Variants in CCDC7 observed in about 807,000 individuals in gnomAD.
CCDC7 encodes the protein coiled-coil domain-containing protein 7.
In CCDC7, 183 loss-of-function variants were observed where a neutral mutation model predicts 196.9. The observed-to-expected ratio is 0.93, with a 90% CI of 0.82 to 1.05. CCDC7 has a LOEUF of 1.05. Ranked by LOEUF, CCDC7 falls within the 50% of genes least tolerant of loss-of-function variation. CCDC7 has a pLI of 0.00. For missense variants in CCDC7, 1,540 were observed against 1,482.2 expected, an observed-to-expected ratio of 1.04 and a Z score of -0.64; for synonymous variants, 525 against 484.6, an observed-to-expected ratio of 1.08 and a Z score of -1.10.
intron 28 of CCDC7, among the ~76,000 whole-genome samples, chr10:32,758,400 C>T (rs992098482): frequency 9.2e-5 from 14 of 152,150 alleles, no homozygotes; most frequent in African/African-American, 2.2e-4. Context: ...ACTTATCCAC[C>T]ATGATCAAGT....
At chr10:32,725,459 C>T (rs182512260) in intron 25 of CCDC7, 13 of 463,236 alleles carry the variant, frequency 2.8e-5, no homozygotes, top group African/African-American at 2.4e-4. Flanking sequence ...GGTTAGTTTC[C>T]TTTCAGTTTT....
intron 9 of CCDC7, among the ~76,000 whole-genome samples, chr10:32,506,403 C>G (rs934211719): frequency 6.6e-6 from 1 of 152,162 alleles, no homozygotes; most frequent in African/African-American, 2.4e-5. Flanking sequence ...CCTCACATCC[C>G]AGACGATGGG....
At chr10:32,451,031 A>G (rs181799417), upstream of CCDC7, among the ~76,000 whole-genome samples, 1 of 152,268 alleles carries the variant, frequency 6.6e-6, no homozygotes, top group Admixed American at 6.5e-5. Flanking sequence ...CTTCATAGCA[A>G]TTGATAATCC....
At position 32,575,827 on chromosome 10, in the gene CCDC7, C is replaced by A. The variant is rs562945843; in HGVS notation, c.1454+3934C>A. ...GACTCATTATTATAGATCTCTCCATCAGCCCTGGCTGACACCTGGTTCTGA... is the reference window on the plus strand; with the variant it reads ...GACTCATTATTATAGATCTCTCCATAAGCCCTGGCTGACACCTGGTTCTGA... On this transcript the variant is annotated intron_variant, in intron 16 of 41. Coordinates refer to ENST00000639629, the Ensembl canonical transcript of CCDC7. 2.6e-5 allele frequency among the ~76,000 whole-genome samples: 4 copies of A among 152,272 alleles called. No homozygotes were observed. In the South Asian group the frequency reaches 8.3e-4, roughly 32 times the overall value.
intron 29 of CCDC7, among the ~76,000 whole-genome samples, chr10:32,794,956 C>G (rs972376916): frequency 2.7e-4 from 41 of 152,246 alleles, no homozygotes; most frequent in Admixed American, 8.5e-4. Context: ...TGTTCAGGGT[C>G]TGGAAAGCAT....
intron 28 of CCDC7, among the ~76,000 whole-genome samples, chr10:32,758,875 A>G (rs1191602211): frequency 6.6e-6 from 1 of 152,236 alleles, no homozygotes; most frequent in South Asian, 2.1e-4. Context: ...AATCTCCTTA[A>G]GCTGATAAGC....
chr10:32,857,364 G>C (rs1328783337), intron 41 of CCDC7, among the ~76,000 whole-genome samples: 4 of 152,116 alleles, frequency 2.6e-5, no homozygotes, highest in Non-Finnish European at 5.9e-5. Context: ...CTTAAGGATA[G>C]ACCATATATT....
chr10:32,515,636 C>T (rs1201105040), intron 9 of CCDC7, among the ~76,000 whole-genome samples: 3 of 151,948 alleles, frequency 2.0e-5, no homozygotes, highest in South Asian at 2.1e-4. Flanking sequence ...CTCTGCCTCC[C>T]GGGTTCACGC....
At chr10:32,798,355 G>A (rs2084055337) in intron 29 of CCDC7, among the ~76,000 whole-genome samples, 1 of 152,218 alleles carries the variant, frequency 6.6e-6, no homozygotes, top group African/African-American at 2.4e-5. Context: ...ACATTGCTGA[G>A]CCCATGCGTA....
chr10:32,637,455 C>T (rs536031654), intron 20 of CCDC7, among the ~76,000 whole-genome samples: 4 of 152,172 alleles, frequency 2.6e-5, no homozygotes, highest in African/African-American at 9.7e-5. Flanking sequence ...TATGGCTAGC[C>T]AGTTTTCCCA....
chr10:32,614,450 G>T (rs376741943), intron 18 of CCDC7, among the ~76,000 whole-genome samples: 4 of 151,960 alleles, frequency 2.6e-5, no homozygotes, highest in African/African-American at 9.7e-5. Context: ...CACATTTAAG[G>T]TTAATATTGT....
At chr10:32,709,322 G>T (rs956864288) in intron 24 of CCDC7, among the ~76,000 whole-genome samples, 1 of 119,216 alleles carries the variant, frequency 8.4e-6, no homozygotes, top group Non-Finnish European at 1.7e-5. Flanking sequence ...GGCCTATCGT[G>T]GGTGGGGGGA....
intron 21 of CCDC7, among the ~76,000 whole-genome samples, chr10:32,684,243 C>T (rs1271713699): frequency 6.6e-6 from 1 of 152,144 alleles, no homozygotes; most frequent in Non-Finnish European, 1.5e-5. Flanking sequence ...TCCCTGCCTC[C>T]CTTCTTGGCA....
At chr10:32,494,121 T>C (rs1240051319) in intron 9 of CCDC7, among the ~76,000 whole-genome samples, 3 of 152,192 alleles carry the variant, frequency 2.0e-5, no homozygotes, top group Admixed American at 2.0e-4. Flanking sequence ...CCAAGACCAA[T>C]GTCAAGAAGT....
In CCDC7 at chr10:32,470,228, T is replaced by C. The variant is rs551473137; in HGVS notation, c.511-836T>C. Among the ~76,000 whole-genome samples the C allele has an allele frequency of 1.3e-3, 198 of 152,290 alleles. 1 individual carries two copies. Among genetic ancestry groups the C allele is most frequent in the African/African-American group, 4.5e-3 (187 of 41,548 alleles). On this transcript the variant is annotated intron_variant, in intron 5 of 41. Coordinates refer to ENST00000639629, the Ensembl canonical transcript of CCDC7. Reference sequence around the variant, plus strand: ...ATTTATCTTTGCGAAGTCCTTGACTTCATTTTTTCCCCAACTTTTCCTCCT... The same window carrying C: ...ATTTATCTTTGCGAAGTCCTTGACTCCATTTTTTCCCCAACTTTTCCTCCT...
At chr10:32,742,611 G>A (rs1374614717) in intron 28 of CCDC7, among the ~76,000 whole-genome samples, 1 of 152,130 alleles carries the variant, frequency 6.6e-6, no homozygotes. Context: ...GTCTTTGTCT[G>A]CTCAGGCTGC....
chr10:32,774,025 A>C (rs1416336351), intron 28 of CCDC7, among the ~76,000 whole-genome samples: 1 of 152,194 alleles, frequency 6.6e-6, no homozygotes, highest in Non-Finnish European at 1.5e-5. Context: ...TCAATTACAA[A>C]AACTATTAAT....
chr10:32,745,302 T>C (rs1475679370), intron 28 of CCDC7, among the ~76,000 whole-genome samples: 1 of 152,238 alleles, frequency 6.6e-6, no homozygotes, highest in Non-Finnish European at 1.5e-5. Flanking sequence ...TGCATTGCTA[T>C]AAAAGAATAT....
At chr10:32,838,516 A>G (rs1423948219) in intron 33 of CCDC7, among the ~76,000 whole-genome samples, 1 of 151,962 alleles carries the variant, frequency 6.6e-6, no homozygotes, top group Non-Finnish European at 1.5e-5. Flanking sequence ...GAATAATTGG[A>G]GTTCCTGAGA....
Sources: gnomAD v4.1 joint callset for allele counts (sites outside exome capture counted in the v4.1 genomes callset) on GRCh38, gnomAD v4.1.1 for gene constraint, MANE v1.5 for transcripts, NCBI Gene and HGNC (gene_info 2026-07-23, HGNC 2026-07-21) for gene names.